Variants in MAP2K6 observed in about 807,000 individuals in gnomAD.
MAP2K6 encodes the protein dual specificity mitogen-activated protein kinase kinase 6.
Under a neutral mutation model 53.7 loss-of-function variants are expected in MAP2K6, and 16 were observed. That is an observed-to-expected ratio of 0.30 (90% CI 0.20 to 0.45). The LOEUF is 0.45. MAP2K6 is among the 20% of genes least tolerant of loss of function. The pLI is 1.00. For missense variants in MAP2K6, 204 were observed against 411.9 expected (o/e 0.50, Z 4.37); for synonymous variants, 132 against 143.1 (o/e 0.92, Z 0.55).
intron 1 of MAP2K6, among the ~76,000 whole-genome samples, chr17:69,422,823 C>T (rs1906134248): frequency 6.6e-6 from 1 of 152,178 alleles, no homozygotes; most frequent in Non-Finnish European, 1.5e-5. Flanking sequence ...GACTGGTGGG[C>T]CTGTGCAGCA....
At chr17:69,465,326 C>T in intron 1 of MAP2K6, among the ~76,000 whole-genome samples, 1 of 151,944 alleles carries the variant, frequency 6.6e-6, no homozygotes, top group Non-Finnish European at 1.5e-5. Flanking sequence ...TTACAGCCTG[C>T]CCTTATTTCC....
Position 69,526,849 on chromosome 17 carries a change from C to G in MAP2K6, c.881+140C>G, listed in dbSNP as rs111580925. The G allele has an allele frequency of 5.4e-5, 56 of 1,032,054 alleles. No individual in the cohort carries two copies. In the African/African-American group the frequency reaches 5.8e-4, roughly 11 times the overall value. The allele number at this position is 1,032,054 out of a possible 1,614,324, so 63.9% of individuals were successfully genotyped here. ...GAGTATGCCCTCTCTGCTGGAGAAG[C>G]AAAGATGACCGTATCACACTCCCTG... On this transcript the variant is annotated intron_variant, in intron 10 of 11. Coordinates refer to ENST00000590474, the MANE Select transcript of MAP2K6 (RefSeq NM_002758.4).
intron 1 of MAP2K6, among the ~76,000 whole-genome samples, chr17:69,455,630 G>C (rs996651603): frequency 3.9e-5 from 6 of 152,070 alleles, no homozygotes; most frequent in Admixed American, 2.0e-4. Context: ...CTAGGGATTA[G>C]CAAACTTTTT....
At chr17:69,454,569 T>C (rs1374088491) in intron 1 of MAP2K6, among the ~76,000 whole-genome samples, 3 of 151,824 alleles carry the variant, frequency 2.0e-5, no homozygotes, top group East Asian at 3.9e-4. Flanking sequence ...ATTTTTTTTT[T>C]TTTAGTAGAG....
chr17:69,516,185 C>T (rs1164054565), intron 2 of MAP2K6, among the ~76,000 whole-genome samples: 1 of 151,856 alleles, frequency 6.6e-6, no homozygotes, highest in Non-Finnish European at 1.5e-5. Flanking sequence ...AATGTAGAAT[C>T]AATGGGAGCC....
intron 10 of MAP2K6, among the ~76,000 whole-genome samples, chr17:69,526,956 T>C (rs1910807144): frequency 6.6e-6 from 1 of 152,090 alleles, no homozygotes; most frequent in South Asian, 2.1e-4. Context: ...GTGATAGAGA[T>C]AGGGGCATAG....
intron 11 of MAP2K6, among the ~76,000 whole-genome samples, chr17:69,541,010 TC>T: frequency 6.6e-6 from 1 of 152,338 alleles, no homozygotes; most frequent in South Asian, 2.1e-4. Flanking sequence ...ACGCCTGCAA[TC>T]CCAGCACTTT....
In MAP2K6 at chr17:69,467,229, G is replaced by T. The variant is rs192128678; in HGVS notation, c.17-38551G>T. 1.3e-4 allele frequency among the ~76,000 whole-genome samples: 20 copies of T among 152,252 alleles called. 1 individual carries two copies. Among genetic ancestry groups the T allele is most frequent in the African/African-American group, 4.8e-4 (20 of 41,542 alleles). On this transcript the variant is annotated intron_variant, in intron 1 of 11. Transcript: ENST00000590474. ...AAGAATATGGAATTAAGTAAGCGAG[G>T]TACCATATATGAATAGGTACAAGAA...
chr17:69,465,213 T>G (rs1173430204), intron 1 of MAP2K6, among the ~76,000 whole-genome samples: 1 of 151,024 alleles, frequency 6.6e-6, no homozygotes, highest in African/African-American at 2.4e-5. Flanking sequence ...AATTCCAGAT[T>G]CATCCTGTCC....
At chr17:69,508,041 G>GTTTTTTTTTTTTTT (rs71144698) in intron 2 of MAP2K6, among the ~76,000 whole-genome samples, 1 of 44,900 alleles carries the variant, frequency 2.2e-5, no homozygotes. Context: ...TATATATGTA[G>GTTTTTTTTTTTTTT]TTTTTTTTTT....
chr17:69,526,420 A>T, intron 9 of MAP2K6, 150 bp from the exon 10 acceptor site: 4 of 768,538 alleles, frequency 5.2e-6, no homozygotes, highest in Non-Finnish European at 6.2e-6. Context: ...TAGAGAACAA[A>T]TTATTAGTTT....
rs542572796 is a variant in MAP2K6, at chr17:69,474,626, C to T, written c.17-31154C>T. ...AGATTAAATGGAACTGTTGAAGAAG[C>T]CCTAGAGGATTAAAGCTCTGGACAA... On this transcript the variant is annotated intron_variant, in intron 1 of 11. Transcript: ENST00000590474. Among the ~76,000 whole-genome samples, 5 of 152,176 alleles carry T rather than the reference C, an allele frequency of 3.3e-5. No homozygotes were observed. In the East Asian group the frequency reaches 7.7e-4, roughly 23 times the overall value.
At chr17:69,475,176 T>G (rs1374029038) in intron 1 of MAP2K6, among the ~76,000 whole-genome samples, 2 of 147,776 alleles carry the variant, frequency 1.4e-5, no homozygotes, top group Admixed American at 6.7e-5. Flanking sequence ...TTTTTTTTTT[T>G]TTTTTTTTTT....
At chr17:69,416,616 G>T (rs1333146507) in intron 1 of MAP2K6, among the ~76,000 whole-genome samples, 2 of 152,110 alleles carry the variant, frequency 1.3e-5, no homozygotes, top group African/African-American at 2.4e-5. Flanking sequence ...GTATATGTAT[G>T]TATTGTGTGT....
chr17:69,419,787 C>T (rs1374113907), intron 1 of MAP2K6, among the ~76,000 whole-genome samples: 4 of 151,858 alleles, frequency 2.6e-5, no homozygotes, highest in Admixed American at 6.6e-5. Flanking sequence ...ATTAGTCAGG[C>T]GTGGTGGTGC....
chr17:69,526,478 G>A, intron 9 of MAP2K6, 92 bp from the exon 10 acceptor site: 1 of 1,411,834 alleles, frequency 7.1e-7, no homozygotes, highest in Non-Finnish European at 9.7e-7. Context: ...TTTGCCTTGT[G>A]TTTCCTGCTG....
intron 11 of MAP2K6, among the ~76,000 whole-genome samples, chr17:69,541,346 G>A (rs571713653): frequency 6.6e-6 from 1 of 152,156 alleles, no homozygotes; most frequent in Non-Finnish European, 1.5e-5. Context: ...GGGGCCCAGG[G>A]CTATTTGTAA....
chr17:69,451,306 A>T (rs1282846262), intron 1 of MAP2K6, among the ~76,000 whole-genome samples: 1 of 152,176 alleles, frequency 6.6e-6, no homozygotes, highest in Non-Finnish European at 1.5e-5. Flanking sequence ...GCACCGTGGA[A>T]ATCAGCAAAT....
chr17:69,432,173 GTGT>G (rs1906483687), intron 1 of MAP2K6, among the ~76,000 whole-genome samples: 1 of 152,346 alleles, frequency 6.6e-6, no homozygotes, highest in African/African-American at 2.4e-5. Flanking sequence ...AAGCTTTGTA[GTGT>G]TGTGACATGT....
Sources: gnomAD v4.1 joint callset for allele counts (sites outside exome capture counted in the v4.1 genomes callset) on GRCh38, gnomAD v4.1.1 for gene constraint, MANE v1.5 for transcripts, NCBI Gene and HGNC (gene_info 2026-07-23, HGNC 2026-07-21) for gene names.